Variants in MORN3 observed in about 807,000 individuals in gnomAD.
The protein encoded by MORN3 is MORN repeat-containing protein 3.
MORN3 carries 38 observed loss-of-function variants against 34.7 expected under a neutral mutation model. The observed-to-expected ratio is 1.10, with a 90% CI of 0.85 to 1.44. MORN3 has a LOEUF of 1.44. Ranked by LOEUF, MORN3 falls within the 40% of genes most tolerant of loss-of-function variation. The pLI, the probability that MORN3 is intolerant of heterozygous loss-of-function variation, is 0.00. For missense variants in MORN3, 311 were observed against 321.7 expected, an observed-to-expected ratio of 0.97 and a Z score of 0.25; for synonymous variants, 109 against 115.3, an observed-to-expected ratio of 0.95 and a Z score of 0.35.
intron 2 of MORN3, among the ~76,000 whole-genome samples, chr12:121,658,565 CAAAAAAAA>C (rs62682762): frequency 1.5e-5 from 1 of 68,808 alleles, no homozygotes; most frequent in Admixed American, 1.7e-4. Flanking sequence ...GACTCCCTCT[CAAAAAAAA>C]AAAAAAAAAA....
chr12:121,667,146 G>C (rs974066433), intron 1 of MORN3, among the ~76,000 whole-genome samples: 1 of 151,810 alleles, frequency 6.6e-6, no homozygotes, highest in Non-Finnish European at 1.5e-5. Flanking sequence ...ATTTTTAGTA[G>C]AGACGGAGTT....
chr12:121,656,169 G>A lies in MORN3; in HGVS notation c.304-1736C>T, dbSNP rs556310277. ...TTCCCACATATCCCTGAGGGCCCCC[G>A]CAACTCTTCTCCTCACTCCTGTCCC... On this transcript the variant is annotated intron_variant, in intron 2 of 5. Coordinates refer to ENST00000355329, the MANE Select transcript of MORN3 (RefSeq NM_173855.5). Among the ~76,000 whole-genome samples, 4 of 152,228 alleles carry A rather than the reference G, an allele frequency of 2.6e-5. No individual in the cohort carries two copies. The South Asian group carries it at 6.2e-4, about 24-fold the overall frequency.
intron 1 of MORN3, among the ~76,000 whole-genome samples, chr12:121,664,813 T>G (rs1893690066): frequency 7.9e-6 from 1 of 126,446 alleles, no homozygotes; most frequent in African/African-American, 3.1e-5. Context: ...CGGGAGGAAG[T>G]GAGGGGCAGG....
At position 121,655,930 on chromosome 12, in the gene MORN3, C is replaced by T. The variant is rs1298494777; in HGVS notation, c.304-1497G>A. ...CCCGTAGTCCCAGCTACTCGGGAGGCTGAGGCAGGAGAAGGCCGTGAACCA... is the reference window on the plus strand; with the variant it reads ...CCCGTAGTCCCAGCTACTCGGGAGGTTGAGGCAGGAGAAGGCCGTGAACCA... On this transcript the variant is annotated intron_variant, in intron 2 of 5. Transcript: ENST00000355329. Among the ~76,000 whole-genome samples, 3 of 151,904 alleles carry T rather than the reference C, an allele frequency of 2.0e-5. No homozygotes were observed. The South Asian group carries it at 6.2e-4, about 32-fold the overall frequency.
chr12:121,666,555 C>T (rs372162981), intron 1 of MORN3, among the ~76,000 whole-genome samples: 1 of 151,988 alleles, frequency 6.6e-6, no homozygotes, highest in African/African-American at 2.4e-5. Context: ...CATCCTGTCA[C>T]TAAGATGCTG....
Position 121,654,320 on chromosome 12 carries a change from T to G in MORN3, c.417A>C (p.Gly139=), listed in dbSNP as rs544752389. The part of the protein sequence containing the change: ...MYYSNGDIYE[G]QWENDKPNGE... ...CGTTGGGCTTGTCGTTCTCCCACTG[T>G]CCCTCGTAGATGTCGCCGTTGCTGT... is the stretch of plus-strand genomic sequence containing the variant. Residue 139 remains glycine, a synonymous_variant, in exon 3 of 6, where the codon GGA becomes GGC. Transcript: ENST00000355329. 1 of 1,602,464 alleles carries G rather than the reference T, an allele frequency of 6.2e-7. No individual in the cohort carries two copies. The highest frequency in any genetic ancestry group is 1.7e-5 in the Admixed American group (1 of 58,146).
chr12:121,667,924 T>C (rs1893821317), intron 1 of MORN3, among the ~76,000 whole-genome samples: 1 of 151,606 alleles, frequency 6.6e-6, no homozygotes, highest in African/African-American at 2.4e-5. Flanking sequence ...AGGGTTTCAC[T>C]GTGTTAGCCA....
intron 4 of MORN3, 55 bp from the exon 5 acceptor site, chr12:121,652,863 A>T (rs1210227571): frequency 5.7e-6 from 9 of 1,589,804 alleles, no homozygotes; most frequent in Middle Eastern, 1.7e-4. Flanking sequence ...CCAGGCTGCC[A>T]GCCTTGACTG....
upstream of MORN3, among the ~76,000 whole-genome samples, chr12:121,671,699 G>A (rs1427946646): frequency 1.3e-5 from 2 of 151,598 alleles, no homozygotes; most frequent in African/African-American, 4.8e-5. Context: ...GGCCAACATA[G>A]TGAAACCGCG....
intron 1 of MORN3, among the ~76,000 whole-genome samples, chr12:121,667,075 C>T (rs562903910): frequency 3.1e-4 from 46 of 148,436 alleles, no homozygotes; most frequent in African/African-American, 9.2e-4. Flanking sequence ...ATTCTCTTAT[C>T]TCAGCCTCCC....
At chr12:121,661,854 C>T (rs1004328392) in intron 1 of MORN3, among the ~76,000 whole-genome samples, 1 of 148,554 alleles carries the variant, frequency 6.7e-6, no homozygotes, top group African/African-American at 2.5e-5. Context: ...CCAGCTTGGG[C>T]GACAGAGTGA....
At position 121,659,265 on chromosome 12, in the gene MORN3, G is replaced by C. The variant is rs1594227457; in HGVS notation, c.229C>G (p.Leu77Val). ...KFGKRDGYGTLSLPDQQTGKC... is the reference protein window; with the variant it reads ...KFGKRDGYGTVSLPDQQTGKC... ...CCTGTCTGTTGGTCAGGAAGGCTGAGGGTGCCGTAGCCGTCTCGCTTCCCA... is the reference window on the plus strand; with the variant it reads ...CCTGTCTGTTGGTCAGGAAGGCTGACGGTGCCGTAGCCGTCTCGCTTCCCA... Residue 77 changes from leucine to valine, a missense_variant, in exon 2 of 6, where the codon CTC becomes GTC. Physicochemically the swap from Leu to Val is conservative, Grantham distance 32. Transcript: ENST00000355329. The C allele has an allele frequency of 6.2e-7, 1 of 1,614,088 alleles. No individual in the cohort carries two copies. The highest frequency in any genetic ancestry group is 8.5e-7 in the Non-Finnish European group (1 of 1,180,004).
At chr12:121,672,296 CA>C (rs35044814), upstream of MORN3, among the ~76,000 whole-genome samples, 4,952 of 129,604 alleles carry the variant, frequency 0.038, 144 homozygotes, top group East Asian at 0.19. Flanking sequence ...CTTATCTCTA[CA>C]AAAAAAAAAA....
chr12:121,657,798 C>T (rs931934019), intron 2 of MORN3, among the ~76,000 whole-genome samples: 3 of 149,786 alleles, frequency 2.0e-5, no homozygotes, highest in South Asian at 2.1e-4. Context: ...ACCCAGGAGG[C>T]GGAGGTTGCG....
At chr12:121,662,423 G>A (rs1409599211) in intron 1 of MORN3, among the ~76,000 whole-genome samples, 1 of 151,966 alleles carries the variant, frequency 6.6e-6, no homozygotes, top group South Asian at 2.1e-4. Context: ...GTGAGATTGC[G>A]CCACTGCACT....
rs1555325109 is a variant in MORN3 at position 121,651,636 on chromosome 12, T to C, written c.*15A>G. ...CAGGCTTGAATTTCTCCTGAAGCGT[T>C]TGTGTTCTCTGCAGGGGAGAGAGGG... On this transcript the variant is annotated 3_prime_UTR_variant, in exon 6 of 6. Transcript: ENST00000355329. The C allele has an allele frequency of 2.0e-5, 3 of 152,256 alleles. No individual in the cohort carries two copies. The highest frequency in any genetic ancestry group is 1.3e-4 in the Admixed American group (2 of 15,222). The allele number at this position is 152,256 out of a possible 1,614,324, so 9.4% of individuals were successfully genotyped here.
At chr12:121,666,803 G>A (rs1181785852) in intron 1 of MORN3, among the ~76,000 whole-genome samples, 1 of 151,930 alleles carries the variant, frequency 6.6e-6, no homozygotes, top group Non-Finnish European at 1.5e-5. Flanking sequence ...CAACTAAATA[G>A]CCAGCATGGG....
intron 2 of MORN3, 110 bp downstream of exon 2, chr12:121,659,081 A>G (rs1594227084): frequency 9.7e-3 from 6,427 of 663,558 alleles, no homozygotes; most frequent in Non-Finnish European, 0.014. Context: ...CTCCCTGTAG[A>G]CCTCCCCTCT....
At chr12:121,664,322 G>A (rs1016289000) in intron 1 of MORN3, among the ~76,000 whole-genome samples, 4 of 152,162 alleles carry the variant, frequency 2.6e-5, no homozygotes, top group African/African-American at 9.7e-5. Flanking sequence ...ATATACGAAG[G>A]TAGGCACTGA....
Sources: gnomAD v4.1 joint callset for allele counts (sites outside exome capture counted in the v4.1 genomes callset) on GRCh38, gnomAD v4.1.1 for gene constraint, MANE v1.5 for transcripts, NCBI Gene and HGNC (gene_info 2026-07-23, HGNC 2026-07-21) for gene names.